BACC1: variants seen among roughly 807,000 people sequenced by gnomAD.
BACC1 encodes the protein BPTF-associated chromatin complex component 1.
the BACC1 span, chr17:7,017,226 C>G: frequency 6.2e-7 from 1 of 1,614,058 alleles, no homozygotes; most frequent in Non-Finnish European, 8.5e-7. Context: ...GGGGCTCGCT[C>G]CATCTCGGCC....
chr17:7,015,082 G>T, the BACC1 span: 5 of 1,562,314 alleles, frequency 3.2e-6, no homozygotes, highest in African/African-American at 1.4e-5. Context: ...TCTTCTCGGC[G>T]GCCGGCGCCG....
the BACC1 span, chr17:7,015,705 G>A: frequency 2.7e-6 from 4 of 1,474,162 alleles, no homozygotes; most frequent in South Asian, 1.2e-5. Flanking sequence ...GCTGTGGGAT[G>A]CATAGCCTGT....
At chr17:7,016,456 T>C in the BACC1 span, 1 of 1,593,920 alleles carries the variant, frequency 6.3e-7, no homozygotes, top group African/African-American at 1.4e-5. Flanking sequence ...TTAGTCTCTC[T>C]GATGACTCCT....
chr17:7,017,323 C>T, the BACC1 span: 1 of 1,608,502 alleles, frequency 6.2e-7, no homozygotes, highest in South Asian at 1.1e-5. Context: ...TCCTGCTGAG[C>T]CTTCCACCTC....
the BACC1 span, chr17:7,016,776 C>T: frequency 6.5e-7 from 1 of 1,528,590 alleles, no homozygotes; most frequent in Non-Finnish European, 8.9e-7. Flanking sequence ...GGGTCAGTCT[C>T]TCTTCCTGTC....
the BACC1 span, chr17:7,014,959 CG>C: frequency 8.0e-7 from 1 of 1,253,662 alleles, no homozygotes. The surrounding 1 kb of genome is among the most constrained non-coding windows in gnomAD (Gnocchi z 4.5). Flanking sequence ...TCTTCCGCCC[CG>C]GGCGGGGGGC....
the BACC1 span, chr17:7,016,387 C>A: frequency 7.7e-7 from 1 of 1,305,232 alleles, no homozygotes; most frequent in Non-Finnish European, 1.1e-6. Flanking sequence ...GTTGGGGCCC[C>A]GACCTGGATT....
At chr17:7,017,373 GGACTCC>G in the BACC1 span, 1 of 1,544,828 alleles carries the variant, frequency 6.5e-7, no homozygotes, top group East Asian at 2.2e-5. Flanking sequence ...GGATCTCCTG[GGACTCC>G]GAGCAAGGCC....
chr17:7,016,068 A>G, the BACC1 span: 4 of 581,152 alleles, frequency 6.9e-6, no homozygotes, highest in South Asian at 8.5e-5. Flanking sequence ...TGCTGTGGTA[A>G]TCCTTCCAAG....
the BACC1 span, chr17:7,015,750 A>G: frequency 2.9e-5 from 46 of 1,598,982 alleles, no homozygotes; most frequent in Middle Eastern, 1.7e-4. Flanking sequence ...CATTTTTGCT[A>G]TCCCCCCTCT....
chr17:7,017,049 GT>G, the BACC1 span: 1 of 1,589,016 alleles, frequency 6.3e-7, no homozygotes, highest in African/African-American at 1.3e-5. Context: ...AGCTGACGGG[GT>G]TGGGGAGAAA....
At chr17:7,015,516 G>C in the BACC1 span, 2 of 1,410,194 alleles carry the variant, frequency 1.4e-6, no homozygotes, top group East Asian at 2.7e-5. Flanking sequence ...GCTGTGTACA[G>C]CAGCCGTTTA....
the BACC1 span, chr17:7,016,692 G>C: frequency 6.2e-7 from 1 of 1,605,444 alleles, no homozygotes; most frequent in South Asian, 1.1e-5. Context: ...GCTGGTGAGG[G>C]CTGTGGAGTT....
At chr17:7,016,811 C>G in the BACC1 span, 3 of 1,519,766 alleles carry the variant, frequency 2.0e-6, no homozygotes, top group East Asian at 6.8e-5. Context: ...CAGAGAGGGG[C>G]AGAGGGGAGG....
the BACC1 span, chr17:7,015,180 T>C: frequency 3.2e-6 from 5 of 1,552,932 alleles, no homozygotes; most frequent in African/African-American, 1.4e-5. Flanking sequence ...GACTGGGACG[T>C]GGACGCTGAG....
the BACC1 span, chr17:7,014,834 C>G: frequency 6.5e-7 from 1 of 1,529,266 alleles, no homozygotes; most frequent in Non-Finnish European, 8.8e-7. The surrounding 1 kb of genome is among the most constrained non-coding windows in gnomAD (Gnocchi z 4.5). Flanking sequence ...GCGGCGGCGT[C>G]TCCGTGAGGA....
the BACC1 span, chr17:7,014,932 C>A: frequency 3.1e-5 from 47 of 1,495,630 alleles, no homozygotes; most frequent in Non-Finnish European, 4.1e-5. The surrounding 1 kb of genome is among the most constrained non-coding windows in gnomAD (Gnocchi z 4.5). Flanking sequence ...GGGCGGGCCC[C>A]CCACTTGGCT....
the BACC1 span, chr17:7,016,085 A>T: frequency 1.8e-6 from 1 of 560,952 alleles, no homozygotes; most frequent in Non-Finnish European, 3.1e-6. Context: ...CAAGAATGTG[A>T]ATTTAGGTTG....
At chr17:7,015,926 C>T in the BACC1 span, 1 of 1,495,868 alleles carries the variant, frequency 6.7e-7, no homozygotes. Context: ...CTTCTTCCTC[C>T]TTACCCAAGG....
Sources: allele counts gnomAD v4.1 joint callset, GRCh38; gene constraint gnomAD v4.1.1; non-coding constraint Gnocchi (gnomAD v3.1); transcripts MANE v1.5; gene names NCBI Gene and HGNC (gene_info 2026-07-23, HGNC 2026-07-21).